The following SEC23A variants were observed in gnomAD, a reference collection of about 807,000 sequenced individuals.
SEC23A encodes the protein SEC23 homolog A, COPII component, also known as protein transport protein Sec23A.
Under a neutral mutation model 103.7 loss-of-function variants are expected in SEC23A, and 56 were observed. The ratio of observed to expected loss-of-function variants is 0.54; its 90% CI spans 0.44 to 0.67. The LOEUF (loss-of-function observed/expected upper bound fraction) is 0.67, where lower values mean the gene tolerates loss of function less well. SEC23A is among the 30% of genes least tolerant of loss of function. The pLI, the probability that SEC23A is intolerant of heterozygous loss-of-function variation, is 0.00. For synonymous variants in SEC23A, 281 were observed against 293.0 expected, an observed-to-expected ratio of 0.96 and a Z score of 0.42; for missense variants, 784 against 936.4, an observed-to-expected ratio of 0.84 and a Z score of 2.12.
chr14:39,040,637 T>C, intron 18 of SEC23A, 95 bp downstream of exon 18: 1 of 1,490,078 alleles, frequency 6.7e-7, no homozygotes, highest in Admixed American at 1.7e-5. Flanking sequence ...TCTGTCTGCT[T>C]TATGAAGCAA....
At chr14:39,069,829 T>C (rs1322323571) in intron 9 of SEC23A, among the ~76,000 whole-genome samples, 2 of 152,144 alleles carry the variant, frequency 1.3e-5, no homozygotes, top group Non-Finnish European at 2.9e-5. Flanking sequence ...TATATGCACA[T>C]GGCTCACTCT....
At chr14:39,042,909 G>GA (rs141375970) in intron 16 of SEC23A, 37 bp from the exon 17 acceptor site, 1 of 1,256,724 alleles carries the variant, frequency 8.0e-7, no homozygotes, top group Non-Finnish European at 1.2e-6. Flanking sequence ...GAGGAAAAAG[G>GA]AAAAATAATC....
chr14:39,043,266 A>T (rs958182505), intron 16 of SEC23A, among the ~76,000 whole-genome samples: 30 of 152,140 alleles, frequency 2.0e-4, no homozygotes, highest in African/African-American at 7.0e-4. Flanking sequence ...CAGGCTCAGC[A>T]CTAAATTTGA....
intron 5 of SEC23A, chr14:39,090,892 T>A (rs1238321574): frequency 7.5e-6 from 2 of 266,638 alleles, no homozygotes; most frequent in African/African-American, 4.6e-5. Flanking sequence ...TCTGGCCTGA[T>A]TTGTTTGCAA....
At chr14:39,096,232 C>T (rs1174060933) in intron 1 of SEC23A, 93 bp from the exon 2 acceptor site, 1 of 866,470 alleles carries the variant, frequency 1.2e-6, no homozygotes, top group East Asian at 2.6e-5. Context: ...AATATTAACA[C>T]CTTAGAAATC....
intron 9 of SEC23A, among the ~76,000 whole-genome samples, chr14:39,070,341 CT>C (rs1202642928): frequency 6.6e-6 from 1 of 152,164 alleles, no homozygotes; most frequent in Admixed American, 6.5e-5. Context: ...AAAATAATAA[CT>C]GCTCATGGAA....
At chr14:39,094,452 T>A (rs1594487180) in intron 2 of SEC23A, among the ~76,000 whole-genome samples, 1 of 122,348 alleles carries the variant, frequency 8.2e-6, no homozygotes, top group Non-Finnish European at 1.6e-5. Flanking sequence ...ATTTTTTTTT[T>A]TTTTTTTTCC....
intron 1 of SEC23A, among the ~76,000 whole-genome samples, chr14:39,097,776 T>C (rs1887938014): frequency 6.6e-6 from 1 of 152,160 alleles, no homozygotes; most frequent in African/African-American, 2.4e-5. Context: ...ATCCCAAGAC[T>C]AAACTTGTTT....
chr14:39,073,856 C>A (rs1052643565), intron 9 of SEC23A, among the ~76,000 whole-genome samples: 1 of 152,070 alleles, frequency 6.6e-6, no homozygotes, highest in Non-Finnish European at 1.5e-5. Context: ...GATCTACCTG[C>A]CTTAGCCTCC....
chr14:39,086,868 G>C, intron 6 of SEC23A, 61 bp downstream of exon 6: 1 of 947,396 alleles, frequency 1.1e-6, no homozygotes, highest in Non-Finnish European at 1.8e-6. Context: ...CTATGTTCAA[G>C]GGTATGGAAT....
chr14:39,101,248 T>C (rs1594494489), intron 1 of SEC23A, among the ~76,000 whole-genome samples: 1 of 152,204 alleles, frequency 6.6e-6, no homozygotes, highest in Non-Finnish European at 1.5e-5. Context: ...TTTATCATAA[T>C]AGAGCTAAAA....
At position 39,086,861 on chromosome 14, in the gene SEC23A, T is replaced by C. The variant is rs959186861; in HGVS notation, c.683+68A>G. 19 of 889,740 alleles carry C rather than the reference T, an allele frequency of 2.1e-5. No individual in the cohort carries two copies. In the African/African-American group the frequency reaches 2.9e-4, roughly 14 times the overall value. The allele number at this position is 889,740 out of a possible 1,614,324, so 55.1% of individuals were successfully genotyped here. A position where few individuals can be genotyped will look rare whatever the true frequency, so the allele number is the denominator to read the frequency against. On this transcript the variant is annotated intron_variant, in intron 6 of 19. Coordinates refer to ENST00000307712, the MANE Select transcript of SEC23A (RefSeq NM_006364.4). ...ACAATATAGTATCACTGAATGCCTA[T>C]GTTCAAGGGTATGGAATGTTTAAAA... is the stretch of plus-strand genomic sequence containing the variant.
Position 39,087,016 on chromosome 14 carries a change from G to A in SEC23A, c.604-8C>T, listed in dbSNP as rs569798520. On this transcript the variant is annotated splice_polypyrimidine_tract_variant and splice_region_variant and intron_variant, in intron 5 of 19. Coordinates refer to ENST00000307712, the MANE Select transcript of SEC23A (RefSeq NM_006364.4). ...AGAGAGCCCCAGCATTTCCTGTAAA[G>A]AGATTACTTGTGCAATATTCATTTA... is the stretch of plus-strand genomic sequence containing the variant. 5 of 1,429,850 alleles carry A rather than the reference G, an allele frequency of 3.5e-6. No individual in the cohort carries two copies. The South Asian group carries it at 4.6e-5, about 13-fold the overall frequency. The allele number at this position is 1,429,850 out of a possible 1,614,324, so 88.6% of individuals were successfully genotyped here.
chr14:39,073,907 C>A (rs1363302085), intron 9 of SEC23A, among the ~76,000 whole-genome samples: 1 of 152,034 alleles, frequency 6.6e-6, no homozygotes, highest in African/African-American at 2.4e-5. Context: ...CACACCCAGC[C>A]TCTGATTTCA....
chr14:39,048,799 T>A, intron 14 of SEC23A, 70 bp from the exon 15 acceptor site: 2 of 828,642 alleles, frequency 2.4e-6, no homozygotes, highest in Non-Finnish European at 4.0e-6. Flanking sequence ...CTATAAATAT[T>A]CTATTTACAA....
At chr14:39,046,519 C>T (rs1885845498) in intron 15 of SEC23A, among the ~76,000 whole-genome samples, 1 of 152,052 alleles carries the variant, frequency 6.6e-6, no homozygotes, top group Non-Finnish European at 1.5e-5. Context: ...TTATAAATTA[C>T]CCAGTCCCGG....
chr14:39,038,194 T>A (rs550418889), intron 19 of SEC23A, among the ~76,000 whole-genome samples: 1 of 152,220 alleles, frequency 6.6e-6, no homozygotes, highest in East Asian at 1.9e-4. Flanking sequence ...CCTCATGCAA[T>A]TTCCAATTAC....
chr14:39,038,989 T>C (rs1381695496), intron 19 of SEC23A, 42 bp downstream of exon 19: 2 of 1,493,876 alleles, frequency 1.3e-6, no homozygotes, highest in South Asian at 2.3e-5. Context: ...AAACAATAAA[T>C]ACACAAAGAA....
At chr14:39,062,615 G>A (rs1886513863) in intron 12 of SEC23A, among the ~76,000 whole-genome samples, 1 of 151,966 alleles carries the variant, frequency 6.6e-6, no homozygotes, top group Non-Finnish European at 1.5e-5. Context: ...GTAATCAATA[G>A]GAAAACTTTA....
Sources: allele counts gnomAD v4.1 joint callset (sites outside exome capture counted in the v4.1 genomes callset), GRCh38; gene constraint gnomAD v4.1.1; transcripts MANE v1.5; gene names NCBI Gene and HGNC (gene_info 2026-07-23, HGNC 2026-07-21).